Variants in CDH20 observed in about 807,000 individuals in gnomAD.
CDH20 encodes the protein cadherin-20.
In CDH20, 29 loss-of-function variants were observed where a neutral mutation model predicts 74.2. The ratio of observed to expected loss-of-function variants is 0.39; its 90% CI spans 0.29 to 0.53. The LOEUF is 0.53. CDH20 is among the 20% of genes least tolerant of loss of function. The probability of loss-of-function intolerance (pLI) is 0.69; values close to 1 mark genes in which losing one functional copy is unlikely to be tolerated. For missense variants in CDH20, 988 were observed against 1,048.3 expected (o/e 0.94, Z 0.79); for synonymous variants, 469 against 405.4 (o/e 1.16, Z -1.88).
chr18:61,397,891 A>G (rs1157933550), intron 1 of CDH20, among the ~76,000 whole-genome samples: 1 of 152,246 alleles, frequency 6.6e-6, no homozygotes, highest in Non-Finnish European at 1.5e-5. Context: ...AGAAGTATTT[A>G]GCACTTAGTA....
chr18:61,436,823 T>G (rs1255545280), intron 1 of CDH20, among the ~76,000 whole-genome samples: 1 of 152,128 alleles, frequency 6.6e-6, no homozygotes, highest in African/African-American at 2.4e-5. Context: ...GCATTGAGTC[T>G]GGAGACTTTC....
At chr18:61,490,856 T>C (rs1054572951) in intron 2 of CDH20, 57 bp downstream of exon 2, 3 of 1,556,946 alleles carry the variant, frequency 1.9e-6, no homozygotes, top group Non-Finnish European at 2.6e-6. Context: ...TGAATATGAA[T>C]TGAGTATCAA....
intron 6 of CDH20, among the ~76,000 whole-genome samples, chr18:61,510,990 T>TTG (rs1363787356): frequency 3.4e-5 from 5 of 148,892 alleles, no homozygotes; most frequent in African/African-American, 1.2e-4. Flanking sequence ...CTTTTTTTTT[T>TTG]TTTGTTTATT....
intron 1 of CDH20, among the ~76,000 whole-genome samples, chr18:61,336,742 A>C (rs1210966749): frequency 6.7e-6 from 1 of 149,826 alleles, no homozygotes; most frequent in Non-Finnish European, 1.5e-5. Context: ...ATGGTGTTCT[A>C]TGGAGAAAGG....
At chr18:61,385,303 C>T (rs866350973) in intron 1 of CDH20, among the ~76,000 whole-genome samples, 1 of 151,356 alleles carries the variant, frequency 6.6e-6, no homozygotes, top group African/African-American at 2.4e-5. Flanking sequence ...TAAGACAGAA[C>T]AAAAAATAAA....
intron 1 of CDH20, among the ~76,000 whole-genome samples, chr18:61,460,572 T>A (rs1316019252): frequency 6.8e-6 from 1 of 147,596 alleles, no homozygotes; most frequent in African/African-American, 2.5e-5. Context: ...TTGTGTGTCG[T>A]CTTTGCTGTT....
intron 1 of CDH20, among the ~76,000 whole-genome samples, chr18:61,380,579 G>A (rs1371514033): frequency 6.6e-6 from 1 of 151,868 alleles, no homozygotes; most frequent in African/African-American, 2.4e-5. Context: ...GGAGGCTGAG[G>A]TGGGTGGATC....
intron 1 of CDH20, among the ~76,000 whole-genome samples, chr18:61,344,056 A>G (rs1419686086): frequency 6.6e-6 from 1 of 151,838 alleles, no homozygotes; most frequent in Non-Finnish European, 1.5e-5. Context: ...GTGCATGTGA[A>G]CTCTTTCTTA....
intron 7 of CDH20, 144 bp from the exon 8 acceptor site, chr18:61,536,349 A>C: frequency 1.6e-6 from 1 of 621,324 alleles, no homozygotes. Flanking sequence ...TGAACAAATA[A>C]AACCACGAAT....
intron 8 of CDH20, among the ~76,000 whole-genome samples, chr18:61,538,619 TG>T (rs1449551784): frequency 0.025 from 1,338 of 53,260 alleles, 133 homozygotes; most frequent in East Asian, 0.042. Flanking sequence ...TTTTTGTTTT[TG>T]TTTTGTTTTT....
intron 1 of CDH20, among the ~76,000 whole-genome samples, chr18:61,416,028 C>A (rs930660874): frequency 2.0e-4 from 28 of 142,456 alleles, no homozygotes; most frequent in Non-Finnish European, 1.8e-4. Flanking sequence ...TGTACTAACA[C>A]AATGTTCCAA....
chr18:61,494,453 C>T (rs1911063500), intron 2 of CDH20, among the ~76,000 whole-genome samples: 1 of 152,176 alleles, frequency 6.6e-6, no homozygotes, highest in Non-Finnish European at 1.5e-5. Flanking sequence ...AATCCTCATA[C>T]CAGCAACCAA....
intron 1 of CDH20, among the ~76,000 whole-genome samples, chr18:61,357,445 G>A (rs1052818258): frequency 1.3e-5 from 2 of 152,282 alleles, no homozygotes; most frequent in Admixed American, 1.3e-4. Context: ...GTACAGGGCA[G>A]ATACAGCTGC....
chr18:61,408,456 A>G (rs1207464450), intron 1 of CDH20, among the ~76,000 whole-genome samples: 2 of 152,202 alleles, frequency 1.3e-5, no homozygotes, highest in Non-Finnish European at 2.9e-5. Flanking sequence ...CCTCTCCTCT[A>G]CAATGTTATA....
intron 1 of CDH20, among the ~76,000 whole-genome samples, chr18:61,369,590 T>G (rs1343942204): frequency 6.6e-6 from 1 of 152,096 alleles, no homozygotes; most frequent in Non-Finnish European, 1.5e-5. Flanking sequence ...ATATAAATCA[T>G]TCTGTGGTAA....
intron 2 of CDH20, among the ~76,000 whole-genome samples, chr18:61,492,822 T>G (rs1911006194): frequency 6.6e-6 from 1 of 152,168 alleles, no homozygotes; most frequent in Non-Finnish European, 1.5e-5. Flanking sequence ...AACTAGAAGC[T>G]CAATGAAAGC....
chr18:61,426,088 C>T (rs1354655146), intron 1 of CDH20, among the ~76,000 whole-genome samples: 1 of 151,912 alleles, frequency 6.6e-6, no homozygotes, highest in African/African-American at 2.4e-5. Flanking sequence ...TTCATTACCT[C>T]TCATAGTTTT....
At chr18:61,409,126 CTA>C (rs1399429402) in intron 1 of CDH20, among the ~76,000 whole-genome samples, 1 of 152,218 alleles carries the variant, frequency 6.6e-6, no homozygotes, top group African/African-American at 2.4e-5. Flanking sequence ...GAAAAGAAGT[CTA>C]TGCTATGCCT....
At chr18:61,389,534 T>C (rs1415284713) in intron 1 of CDH20, among the ~76,000 whole-genome samples, 1 of 152,214 alleles carries the variant, frequency 6.6e-6, no homozygotes, top group Non-Finnish European at 1.5e-5. Context: ...TCAATAAATA[T>C]TAAGTGTCAT....
Sources: gnomAD v4.1 joint callset for allele counts (sites outside exome capture counted in the v4.1 genomes callset) on GRCh38, gnomAD v4.1.1 for gene constraint, MANE v1.5 for transcripts, NCBI Gene and HGNC (gene_info 2026-07-23, HGNC 2026-07-21) for gene names.